The following CFAP299 variants were observed in gnomAD, a reference collection of about 807,000 sequenced individuals.
The protein encoded by CFAP299 is cilia- and flagella-associated protein 299.
A neutral mutation model predicts 27.0 loss-of-function variants in CFAP299; 21 were observed. The ratio of observed to expected loss-of-function variants is 0.78; its 90% CI spans 0.55 to 1.12. The LOEUF (loss-of-function observed/expected upper bound fraction) is 1.12, where lower values mean the gene tolerates loss of function less well. CFAP299 is among the 50% of genes most tolerant of loss of function. The pLI is 0.00. For missense variants in CFAP299, 310 were observed against 276.6 expected, an observed-to-expected ratio of 1.12 and a Z score of -0.86; for synonymous variants, 104 against 98.1, an observed-to-expected ratio of 1.06 and a Z score of -0.36.
chr4:80,620,821 G>A (rs1398659426), intron 3 of CFAP299, among the ~76,000 whole-genome samples: 2 of 151,968 alleles, frequency 1.3e-5, no homozygotes, highest in African/African-American at 2.4e-5. Context: ...TGACATTTTT[G>A]GCAATTTAAC....
At chr4:80,343,317 C>G (rs1215662644) in intron 1 of CFAP299, among the ~76,000 whole-genome samples, 2 of 152,310 alleles carry the variant, frequency 1.3e-5, no homozygotes, top group Non-Finnish European at 2.9e-5. Flanking sequence ...AGCTCTGGAA[C>G]TAGTGGACCT....
chr4:80,850,364 G>A (rs1339455820), intron 3 of CFAP299, among the ~76,000 whole-genome samples: 1 of 151,920 alleles, frequency 6.6e-6, no homozygotes, highest in East Asian at 1.9e-4. Context: ...GTATTAATAT[G>A]TTATTCAGAA....
intron 2 of CFAP299, among the ~76,000 whole-genome samples, chr4:80,373,947 G>A (rs574566940): frequency 6.6e-5 from 10 of 152,188 alleles, no homozygotes; most frequent in Admixed American, 2.0e-4. Context: ...ATGATCTTCC[G>A]GTGAGTTTTC....
intron 2 of CFAP299, among the ~76,000 whole-genome samples, chr4:80,545,215 G>A (rs1221630838): frequency 6.6e-6 from 1 of 151,784 alleles, no homozygotes; most frequent in African/African-American, 2.4e-5. Flanking sequence ...TAAGAGGAAA[G>A]TTTACAGCAC....
chr4:80,796,297 G>A (rs143691235), intron 3 of CFAP299, among the ~76,000 whole-genome samples: 639 of 152,312 alleles, frequency 4.2e-3, no homozygotes, highest in Non-Finnish European at 6.8e-3. Flanking sequence ...CTGAAGTTTA[G>A]TTGGATTTAT....
intron 2 of CFAP299, among the ~76,000 whole-genome samples, chr4:80,516,655 A>C (rs1732605545): frequency 6.6e-6 from 1 of 152,148 alleles, no homozygotes; most frequent in Non-Finnish European, 1.5e-5. Context: ...ATCACCTTCC[A>C]CCAGGCCCCA....
chr4:80,806,832 A>T (rs150627620), intron 3 of CFAP299, among the ~76,000 whole-genome samples: 1 of 152,330 alleles, frequency 6.6e-6, no homozygotes, highest in African/African-American at 2.4e-5. Context: ...AGATGGCAAG[A>T]AATTAAGAAA....
At chr4:80,868,026 A>C (rs894583209) in intron 3 of CFAP299, among the ~76,000 whole-genome samples, 1 of 152,182 alleles carries the variant, frequency 6.6e-6, no homozygotes. Flanking sequence ...ATTTATACAC[A>C]CATATGTATC....
chr4:80,768,846 A>G (rs1270316478), intron 3 of CFAP299, among the ~76,000 whole-genome samples: 1 of 152,234 alleles, frequency 6.6e-6, no homozygotes, highest in Non-Finnish European at 1.5e-5. Flanking sequence ...CAATTTCAAG[A>G]CAATATACAC....
At chr4:80,691,026 G>A (rs1174405292) in intron 3 of CFAP299, among the ~76,000 whole-genome samples, 1 of 137,880 alleles carries the variant, frequency 7.3e-6, no homozygotes, top group East Asian at 2.1e-4. Context: ...ACCAATAACA[G>A]GCTCTGAAAT....
intron 2 of CFAP299, among the ~76,000 whole-genome samples, chr4:80,565,277 T>C (rs1293442506): frequency 6.6e-6 from 1 of 152,188 alleles, no homozygotes; most frequent in African/African-American, 2.4e-5. Context: ...TGTATATTCC[T>C]ACAATCAAGT....
intron 3 of CFAP299, among the ~76,000 whole-genome samples, chr4:80,843,481 G>C (rs951451247): frequency 6.6e-6 from 1 of 152,044 alleles, no homozygotes; most frequent in Non-Finnish European, 1.5e-5. Context: ...GTCTATCATT[G>C]TTGGACATTT....
At chr4:80,572,217 G>A (rs1015374622) in intron 2 of CFAP299, among the ~76,000 whole-genome samples, 11 of 151,836 alleles carry the variant, frequency 7.2e-5, no homozygotes, top group Non-Finnish European at 1.2e-4. Flanking sequence ...TTAAATGTAC[G>A]ATAAAGTACT....
chr4:80,691,325 C>T (rs1196890776), intron 3 of CFAP299, among the ~76,000 whole-genome samples: 1 of 129,604 alleles, frequency 7.7e-6, no homozygotes, highest in Non-Finnish European at 1.6e-5. Flanking sequence ...TCCAGCAGCA[C>T]ATCAAAAAGC....
intron 3 of CFAP299, among the ~76,000 whole-genome samples, chr4:80,685,233 G>T (rs1720107543): frequency 6.6e-6 from 1 of 152,100 alleles, no homozygotes; most frequent in Non-Finnish European, 1.5e-5. Flanking sequence ...AGAAGCTCTT[G>T]TTCAGTGAAT....
At chr4:80,886,692 T>G (rs891029988) in intron 4 of CFAP299, among the ~76,000 whole-genome samples, 1 of 151,962 alleles carries the variant, frequency 6.6e-6, no homozygotes, top group African/African-American at 2.4e-5. Context: ...TCTACAAGCA[T>G]CAAACCATCC....
chr4:80,743,712 T>G (rs1412580818), intron 3 of CFAP299, among the ~76,000 whole-genome samples: 1 of 152,206 alleles, frequency 6.6e-6, no homozygotes, highest in East Asian at 1.9e-4. Flanking sequence ...AAATACCTAA[T>G]GCATGCAGGG....
rs187344613 is a variant in CFAP299 at position 80,779,553 on chromosome 4, T to C, written c.334-90440T>C. Among the ~76,000 whole-genome samples, 206 of 152,160 alleles carry C rather than the reference T, an allele frequency of 1.4e-3. 1 individual carries two copies. The highest frequency in any genetic ancestry group is 2.5e-3 in the Admixed American group (38 of 15,240). Reference sequence around the variant, plus strand: ...TTTCACCACAGTTAGGTTCTGCCCATGTCACCATATGCCTGAACTCCTACT... The same window carrying C: ...TTTCACCACAGTTAGGTTCTGCCCACGTCACCATATGCCTGAACTCCTACT... On this transcript the variant is annotated intron_variant, in intron 3 of 5. Coordinates refer to ENST00000358105, the MANE Select transcript of CFAP299 (RefSeq NM_152770.3).
chr4:80,406,891 A>C (rs1726456124), intron 2 of CFAP299, among the ~76,000 whole-genome samples: 1 of 152,220 alleles, frequency 6.6e-6, no homozygotes, highest in African/African-American at 2.4e-5. Flanking sequence ...GGCACAGACA[A>C]GGTAAGCAAC....
Sources: allele counts gnomAD v4.1 joint callset (sites outside exome capture counted in the v4.1 genomes callset), GRCh38; gene constraint gnomAD v4.1.1; transcripts MANE v1.5; gene names NCBI Gene and HGNC (gene_info 2026-07-23, HGNC 2026-07-21).